The following MAST3 variants were observed in gnomAD, a reference collection of about 807,000 sequenced individuals.
The protein encoded by MAST3 is microtubule associated serine/threonine kinase 3, also known as microtubule-associated serine/threonine-protein kinase 3.
A neutral mutation model predicts 127.0 loss-of-function variants in MAST3; 43 were observed. That is an observed-to-expected ratio of 0.34 (90% CI 0.27 to 0.44). The LOEUF (loss-of-function observed/expected upper bound fraction) is 0.44, where lower values mean the gene tolerates loss of function less well. Among genes scored for constraint, MAST3 ranks in the 20% least tolerant of loss-of-function variants. The pLI, the probability that MAST3 is intolerant of heterozygous loss-of-function variation, is 1.00. For synonymous variants in MAST3, 785 were observed against 809.2 expected (o/e 0.97, Z 0.51); for missense variants, 1,390 against 1,919.1 (o/e 0.72, Z 5.15).
In MAST3 at chr19:18,144,385, C is replaced by G; in HGVS notation, c.2585-81C>G. On this transcript the variant is annotated intron_variant, in intron 22 of 27. Transcript: ENST00000687212. This position sits in a 1 kb window ranked among gnomAD's most constrained non-coding sequence, Gnocchi z 4.0. ...GAGGCTGGACTGTGTAAATAGTGACCAGGGAGGAAGGGCCTTAAGGTCCCT... is the reference window on the plus strand; with the variant it reads ...GAGGCTGGACTGTGTAAATAGTGACGAGGGAGGAAGGGCCTTAAGGTCCCT... 1 of 1,209,918 alleles carries G rather than the reference C, an allele frequency of 8.3e-7. No homozygotes were observed. Among genetic ancestry groups the G allele is most frequent in the Admixed American group, 2.0e-5 (1 of 49,684 alleles). 74.9% of individuals were successfully genotyped at this position (1,209,918 alleles called of 1,614,324 possible).
At chr19:18,124,200 AG>A (rs1219149092) in intron 9 of MAST3, 52 bp downstream of exon 9, 11 of 1,590,550 alleles carry the variant, frequency 6.9e-6, no homozygotes, top group South Asian at 6.8e-5. Flanking sequence ...ACGTGGAGTG[AG>A]GGGGGTCCCC....
intron 3 of MAST3, among the ~76,000 whole-genome samples, chr19:18,116,449 C>T (rs1223353739): frequency 1.3e-5 from 2 of 151,104 alleles, no homozygotes; most frequent in Non-Finnish European, 3.0e-5. Flanking sequence ...CGTGCCACCA[C>T]GCCCAGCTAA....
At chr19:18,133,317 A>G (rs2041525773) in intron 15 of MAST3, among the ~76,000 whole-genome samples, 1 of 152,188 alleles carries the variant, frequency 6.6e-6, no homozygotes. Context: ...GTGTATACAA[A>G]ATAGGCAGAA....
Position 18,144,962 on chromosome 19 carries a change from CCTGTG to C in MAST3, c.2813-40_2813-36del. On this transcript the variant is annotated intron_variant, in intron 23 of 27. Coordinates refer to ENST00000687212, the MANE Select transcript of MAST3 (RefSeq NM_001393504.1). The surrounding 1 kb of genome is among the most constrained non-coding windows in gnomAD (Gnocchi z 4.0). ...GGGAAAGAGGGGGCCCCAGGGGAGACCTGTGAGGGAGTGAGTGACCCCCTCCCTAA... is the reference window on the plus strand; with the variant it reads ...GGGAAAGAGGGGGCCCCAGGGGAGACAGGGAGTGAGTGACCCCCTCCCTAA... 2 of 1,127,128 alleles carry C rather than the reference CCTGTG, an allele frequency of 1.8e-6. No individual in the cohort carries two copies. Among genetic ancestry groups the C allele is most frequent in the Non-Finnish European group, 2.6e-6 (2 of 758,560 alleles). The allele number at this position is 1,127,128 out of a possible 1,614,324, so 69.8% of individuals were successfully genotyped here. A position where few individuals can be genotyped will look rare whatever the true frequency, so the allele number is the denominator to read the frequency against.
chr19:18,098,530 G>A (rs2037222441), intron 1 of MAST3, among the ~76,000 whole-genome samples: 1 of 152,098 alleles, frequency 6.6e-6, no homozygotes, highest in Admixed American at 6.6e-5. Context: ...GTGTCATCAG[G>A]AGGTAGGGAC....
chr19:18,110,366 A>G lies in MAST3; in HGVS notation c.72-286A>G. 1.0e-6 allele frequency: 1 copy of G among 985,450 alleles called. No individual in the cohort carries two copies. The highest frequency in any genetic ancestry group is 1.2e-6 in the Non-Finnish European group (1 of 830,008). 61.0% of individuals were successfully genotyped at this position (985,450 alleles called of 1,614,324 possible). Reference sequence around the variant, plus strand: ...CTGCACATCCCGGCGCTGACCCTCGAGTGAGTGTTGGGCAGGGCGGGGGTA... The same window carrying G: ...CTGCACATCCCGGCGCTGACCCTCGGGTGAGTGTTGGGCAGGGCGGGGGTA... On this transcript the variant is annotated intron_variant, in intron 2 of 27. Coordinates refer to ENST00000687212, the MANE Select transcript of MAST3 (RefSeq NM_001393504.1). The surrounding 1 kb of genome is among the most constrained non-coding windows in gnomAD (Gnocchi z 4.3).
At chr19:18,147,099 C>CTTTTTTTTT (rs147946466) in intron 26 of MAST3, 55 bp downstream of exon 26, 6 of 894,052 alleles carry the variant, frequency 6.7e-6, no homozygotes, top group African/African-American at 2.8e-5. Flanking sequence ...TTTCTTTTTC[C>CTTTTTTTTT]TTTTTTTTTT....
Position 18,147,423 on chromosome 19 carries a change from C to T in MAST3, c.3327-20C>T, listed in dbSNP as rs2043144690. The T allele has an allele frequency of 3.1e-6, 5 of 1,612,210 alleles. No homozygotes were observed. Among genetic ancestry groups the T allele is most frequent in the South Asian group, 1.1e-5 (1 of 90,802 alleles). On this transcript the variant is annotated intron_variant, in intron 26 of 27. Coordinates refer to ENST00000687212, the MANE Select transcript of MAST3 (RefSeq NM_001393504.1). ...TGGCCAGGAGCAGGGGTTCTGAAGC[C>T]TCCGGTTTTCTTACCCCAGGCGGAA...
chr19:18,128,344 G>C, intron 11 of MAST3, 56 bp from the exon 12 acceptor site: 6 of 1,437,810 alleles, frequency 4.2e-6, no homozygotes, highest in Non-Finnish European at 5.7e-6. Context: ...GAAATTGCTG[G>C]GTGATGCAGG....
At position 18,110,722 on chromosome 19, in the gene MAST3, T is replaced by C. The variant is rs2038503143; in HGVS notation, c.142T>C (p.Leu48=). 2.0e-5 allele frequency: 20 copies of C among 985,806 alleles called. No homozygotes were observed. The highest frequency in any genetic ancestry group is 2.4e-5 in the Non-Finnish European group (20 of 829,932). The allele number at this position is 985,806 out of a possible 1,614,324, so 61.1% of individuals were successfully genotyped here. A position where few individuals can be genotyped will look rare whatever the true frequency, so the allele number is the denominator to read the frequency against. Residue 48 remains leucine, a synonymous_variant, in exon 3 of 28, where the codon TTG becomes CTG. Coordinates refer to ENST00000687212, the MANE Select transcript of MAST3 (RefSeq NM_001393504.1). The surrounding 1 kb of genome is among the most constrained non-coding windows in gnomAD (Gnocchi z 4.3). ...SSPCSPCSPS[L]GLHPWSCRSG... ...CCCCTGCAGCCCCTGTAGCCCCTCC[T>C]TGGGCCTGCACCCCTGGAGGTAAGT...
chr19:18,124,974 G>A (rs1404041684), intron 11 of MAST3, among the ~76,000 whole-genome samples, 200 bp downstream of exon 11: 1 of 152,074 alleles, frequency 6.6e-6, no homozygotes, highest in Admixed American at 6.6e-5. Context: ...AAGTGTGGTG[G>A]CGCATGCCTG....
chr19:18,144,619 G>A lies in MAST3; in HGVS notation c.2738G>A (p.Gly913Asp), dbSNP rs2042846719. ...PEKSRASSSG[G>D]SGGGSGGRVP... ...AAGTCCAGAGCCTCCTCCAGCGGTG[G>A]CAGTGGTGGCGGCAGTGGGGGCCGC... The change falls in exon 23 of 28, where the codon GGC becomes GAC. Residue 913 changes from glycine to aspartate, a missense_variant. Coordinates refer to ENST00000687212, the MANE Select transcript of MAST3 (RefSeq NM_001393504.1). The surrounding 1 kb of genome is among the most constrained non-coding windows in gnomAD (Gnocchi z 4.0). 2 of 1,611,706 alleles carry A rather than the reference G, an allele frequency of 1.2e-6. No individual in the cohort carries two copies. Among genetic ancestry groups the A allele is most frequent in the Non-Finnish European group, 1.7e-6 (2 of 1,179,790 alleles).
Position 18,112,715 on chromosome 19 carries a change from C to G in MAST3, c.161+1974C>G, listed in dbSNP as rs1410853230. ...TGAACTCCTGACCTCAGGTGATCCA[C>G]CCGCCTTGGCTTCCCAAAGTGCTAG... On this transcript the variant is annotated intron_variant, in intron 3 of 27. Coordinates refer to ENST00000687212, the MANE Select transcript of MAST3 (RefSeq NM_001393504.1). This position sits in a 1 kb window ranked among gnomAD's most constrained non-coding sequence, Gnocchi z 4.1. Among the ~76,000 whole-genome samples, 1 of 152,016 alleles carries G rather than the reference C, an allele frequency of 6.6e-6. No individual in the cohort carries two copies. The highest frequency in any genetic ancestry group is 6.6e-5 in the Admixed American group (1 of 15,258).
intron 1 of MAST3, among the ~76,000 whole-genome samples, chr19:18,099,461 TG>T (rs2037364241): frequency 7.3e-6 from 1 of 136,226 alleles, no homozygotes; most frequent in South Asian, 2.4e-4. Context: ...GGTAGGCGAA[TG>T]GGGGTGCTGC....
At position 18,121,793 on chromosome 19, in the gene MAST3, G is replaced by T. The variant is rs114011633; in HGVS notation, c.250+20G>T. ...CAACGGGTGAGTGTGGGAGCAGCCA[G>T]CGGGTGCTGTGTCCTGCCTCTGCCC... is the stretch of plus-strand genomic sequence containing the variant. On this transcript the variant is annotated intron_variant, in intron 4 of 27. Coordinates refer to ENST00000687212, the MANE Select transcript of MAST3 (RefSeq NM_001393504.1). 3.2e-3 allele frequency: 5,196 copies of T among 1,613,854 alleles called. 154 individuals carry two copies. In the African/African-American group the frequency reaches 0.06, roughly 19 times the overall value.
At chr19:18,135,674 G>A (rs1038044049) in intron 17 of MAST3, 66 bp from the exon 18 acceptor site, 5 of 1,170,034 alleles carry the variant, frequency 4.3e-6, no homozygotes, top group Non-Finnish European at 6.2e-6. Context: ...AATGGTGGAT[G>A]GTACTAGAAA....
intron 3 of MAST3, chr19:18,118,192 G>A (rs943020346): frequency 4.1e-6 from 4 of 985,448 alleles, no homozygotes; most frequent in Non-Finnish European, 4.8e-6. Context: ...ACTGGACGGC[G>A]GTGGCGGCTC....
chr19:18,132,078 C>T lies in MAST3; in HGVS notation c.1571+31C>T, dbSNP rs557505528. The T allele has an allele frequency of 2.1e-4, 346 of 1,611,844 alleles. 5 individuals are homozygous for T. In the South Asian group the frequency reaches 3.5e-3, roughly 16 times the overall value. On this transcript the variant is annotated intron_variant, in intron 15 of 27. Coordinates refer to ENST00000687212, the MANE Select transcript of MAST3 (RefSeq NM_001393504.1). The stretch of plus-strand genomic sequence containing the variant: ...CTGAGCTAGCATGAGCGGGGCCTCG[C>T]GGAGGGCGGGGCCAGAGAGGATCAG...
chr19:18,141,947 T>G lies in MAST3; in HGVS notation c.2271T>G (p.Ser757Arg). ...CTACCTTCGCTGAAAGGAGCTTCAGTGAAGACCGGGAGGAGGGGTGGGAGC... is the reference window on the plus strand; with the variant it reads ...CTACCTTCGCTGAAAGGAGCTTCAGGGAAGACCGGGAGGAGGGGTGGGAGC... Reference protein sequence around the residue: ...PTPTFAERSFSEDREEGWERS... With the variant: ...PTPTFAERSFREDREEGWERS... Residue 757 changes from serine to arginine, a missense_variant, in exon 21 of 28, where the codon AGT (serine) becomes AGG (arginine). Around this residue, in one of 5 missense-constraint regions of MAST3, gnomAD observed 816 missense variants for 934.1 expected, o/e 0.87. Transcript: ENST00000687212. 6.4e-7 allele frequency: 1 copy of G among 1,559,682 alleles called. No homozygotes were observed. Among genetic ancestry groups the G allele is most frequent in the Non-Finnish European group, 8.7e-7 (1 of 1,150,152 alleles).
Sources: allele counts gnomAD v4.1 joint callset (sites outside exome capture counted in the v4.1 genomes callset), GRCh38; gene constraint gnomAD v4.1.1; regional missense constraint gnomAD v4.1.1; non-coding constraint Gnocchi (gnomAD v3.1); transcripts MANE v1.5; gene names NCBI Gene and HGNC (gene_info 2026-07-23, HGNC 2026-07-21).